The following LYST variants were observed in gnomAD, a reference collection of about 807,000 sequenced individuals.
LYST encodes the protein lysosomal-trafficking regulator.
In LYST, 192 loss-of-function variants were observed where a neutral mutation model predicts 413.6. That is an observed-to-expected ratio of 0.46 (90% CI 0.41 to 0.52). LYST has a LOEUF of 0.52. Among genes scored for constraint, LYST ranks in the 20% least tolerant of loss-of-function variants. LYST has a pLI of 0.00. For missense variants in LYST, 3,815 were observed against 4,499.9 expected, an observed-to-expected ratio of 0.85 and a Z score of 4.35; for synonymous variants, 1,525 against 1,567.3, an observed-to-expected ratio of 0.97 and a Z score of 0.64.
chr1:235,766,270 T>C lies in LYST; in HGVS notation c.5930A>G (p.Lys1977Arg), dbSNP rs1668136040. Residue 1977 changes from lysine to arginine, a missense_variant, in exon 21 of 53, where the codon AAA (lysine) becomes AGA (arginine). Physicochemically the swap from Lys to Arg is conservative, Grantham distance 26. Around this residue, in one of 4 missense-constraint regions of LYST, gnomAD observed 530 missense variants for 696.5 expected, o/e 0.76. Coordinates refer to ENST00000389793, the MANE Select transcript of LYST (RefSeq NM_000081.4). ...GGGCATGGGTGTGAGTTGCCCCTCT[T>C]TGTATTCCTGAAAAAATAAAAAAAA... ...LLTCQVLQEY[K>R]EGQLTPMPRE... 6.3e-7 allele frequency: 1 copy of C among 1,599,022 alleles called. No homozygotes were observed. The highest frequency in any genetic ancestry group is 8.5e-7 in the Non-Finnish European group (1 of 1,174,870).
chr1:235,765,929 T>C, intron 21 of LYST, 150 bp downstream of exon 21: 1 of 714,188 alleles, frequency 1.4e-6, no homozygotes, highest in Non-Finnish European at 2.5e-6. Context: ...CCATGTCTAG[T>C]TCATTCTATA....
At chr1:235,787,396 T>C (rs1456588336) in intron 13 of LYST, 23 bp from the exon 14 acceptor site, 2 of 1,607,210 alleles carry the variant, frequency 1.2e-6, no homozygotes, top group Admixed American at 1.7e-5. Flanking sequence ...AGAAAAGGCA[T>C]AGGCTGAAAA....
intron 31 of LYST, chr1:235,737,942 C>T (rs1664963337): frequency 7.9e-7 from 1 of 1,266,848 alleles, no homozygotes; most frequent in Non-Finnish European, 1.0e-6. Context: ...CCGCGTGCCC[C>T]AACACCCGCC....
intron 36 of LYST, 91 bp from the exon 37 acceptor site, chr1:235,729,748 C>CTTTGCAG: frequency 4.5e-6 from 4 of 889,292 alleles, no homozygotes; most frequent in Non-Finnish European, 7.5e-6. Context: ...AAGATTTCTG[C>CTTTGCAG]AAAGCAGACT....
rs779652586 is a variant in LYST at position 235,734,677 on chromosome 1, ATTT to A, written c.8359-21_8359-19del. On this transcript the variant is annotated intron_variant, in intron 31 of 52. Transcript: ENST00000389793. Reference sequence around the variant, plus strand: ...GCTCCATGCTTTAAAAAAAGTAATAATTTTTTAGTCATTTAGAATTTTAATTCT... The same window carrying A: ...GCTCCATGCTTTAAAAAAAGTAATAATTTAGTCATTTAGAATTTTAATTCT... The A allele has an allele frequency of 3.2e-6, 5 of 1,545,164 alleles. No individual in the cohort carries two copies. The South Asian group carries it at 5.8e-5, about 18-fold the overall frequency.
intron 21 of LYST, among the ~76,000 whole-genome samples, chr1:235,763,115 T>C (rs1471267419): frequency 6.6e-6 from 1 of 152,320 alleles, no homozygotes; most frequent in Middle Eastern, 3.4e-3. Context: ...GTTATTTCTA[T>C]GGTTTAACAT....
At chr1:235,679,217 G>A (rs1422713539) in intron 48 of LYST, among the ~76,000 whole-genome samples, 1 of 152,116 alleles carries the variant, frequency 6.6e-6, no homozygotes, top group Non-Finnish European at 1.5e-5. Flanking sequence ...CTGGATCCCT[G>A]GGCCCTCCCT....
chr1:235,871,320 C>T (rs1326682666), upstream of LYST, among the ~76,000 whole-genome samples: 1 of 152,224 alleles, frequency 6.6e-6, no homozygotes, highest in East Asian at 1.9e-4. Flanking sequence ...GCGATTCCAT[C>T]TTGAATAAAG....
intron 44 of LYST, among the ~76,000 whole-genome samples, chr1:235,707,153 C>G (rs1057192149): frequency 1.3e-5 from 2 of 152,210 alleles, no homozygotes; most frequent in African/African-American, 4.8e-5. Flanking sequence ...GACTCTACTA[C>G]TACATCCAGG....
At chr1:235,799,420 A>G (rs1043003670) in intron 10 of LYST, among the ~76,000 whole-genome samples, 2 of 152,176 alleles carry the variant, frequency 1.3e-5, no homozygotes, top group African/African-American at 4.8e-5. Context: ...CACCTCCTTA[A>G]CCACATGATC....
chr1:235,735,157 G>A (rs1335303217), intron 31 of LYST: 2 of 152,138 alleles, frequency 1.3e-5, no homozygotes, highest in African/African-American at 2.4e-5. Context: ...CTTGCTAAAG[G>A]AATACAGGAA....
intron 48 of LYST, 93 bp from the exon 49 acceptor site, chr1:235,677,712 T>C: frequency 1.1e-6 from 1 of 937,052 alleles, no homozygotes; most frequent in Admixed American, 1.8e-5. Flanking sequence ...GTGACTCAAA[T>C]GGTCTTCTCA....
rs964011606 is a variant in LYST, at chr1:235,664,436, C to A, written c.11195+29G>T. ...ACTCCTGTGTCCTTATGAATGAAAT[C>A]AAAAAAAGAGAATCCAAATTCCTCT... On this transcript the variant is annotated intron_variant, in intron 51 of 52. Transcript: ENST00000389793. The surrounding 1 kb of genome is among the most constrained non-coding windows in gnomAD (Gnocchi z 4.5). 2.1e-5 allele frequency: 33 copies of A among 1,607,590 alleles called. No homozygotes were observed. Among genetic ancestry groups the A allele is most frequent in the African/African-American group, 4.0e-5 (3 of 74,772 alleles).
At position 235,666,485 on chromosome 1, in the gene LYST, G is replaced by A. The variant is rs72632298; in HGVS notation, c.11039-1864C>T. ...AGGGAGGAGGAATGGGGAAATAGTG[G>A]TGATGGCTGCACAACACTGTTAATA... is the stretch of plus-strand genomic sequence containing the variant. On this transcript the variant is annotated intron_variant, in intron 50 of 52. Transcript: ENST00000389793. 0.018 allele frequency among the ~76,000 whole-genome samples: 2,669 copies of A among 152,012 alleles called. 297 individuals are homozygous for A. The East Asian group carries it at 0.32, about 18-fold the overall frequency.
chr1:235,784,649 C>T (rs1224294974), intron 14 of LYST, among the ~76,000 whole-genome samples: 1 of 152,118 alleles, frequency 6.6e-6, no homozygotes, highest in Admixed American at 6.5e-5. Flanking sequence ...AATAATATAC[C>T]TACTTTATAG....
chr1:235,775,229 G>A (rs1558226481), intron 17 of LYST, 143 bp from the exon 18 acceptor site: 1 of 682,452 alleles, frequency 1.5e-6, no homozygotes, highest in South Asian at 1.7e-5. Context: ...CCTATGTAAG[G>A]CTTGTGAATA....
intron 8 of LYST, among the ~76,000 whole-genome samples, chr1:235,802,532 T>G (rs1018841743): frequency 2.6e-5 from 4 of 152,238 alleles, no homozygotes; most frequent in African/African-American, 9.6e-5. Flanking sequence ...TAGTCCTCAA[T>G]GTAAACATTG....
At chr1:235,722,198 T>G (rs1663430134) in intron 39 of LYST, among the ~76,000 whole-genome samples, 1 of 152,174 alleles carries the variant, frequency 6.6e-6, no homozygotes, top group African/African-American at 2.4e-5. Context: ...CAGCAGACAA[T>G]GACGTCAGAG....
At chr1:235,822,128 G>C (rs1435478163) in intron 3 of LYST, among the ~76,000 whole-genome samples, 1 of 152,192 alleles carries the variant, frequency 6.6e-6, no homozygotes, top group African/African-American at 2.4e-5. Context: ...GATAGAGACA[G>C]CTCAAAATGA....
Sources: gnomAD v4.1 joint callset for allele counts (sites outside exome capture counted in the v4.1 genomes callset) on GRCh38, gnomAD v4.1.1 for gene constraint, gnomAD v4.1.1 regional missense constraint, Gnocchi (gnomAD v3.1) non-coding constraint, MANE v1.5 for transcripts, NCBI Gene and HGNC (gene_info 2026-07-23, HGNC 2026-07-21) for gene names.